ATP2C1: variants seen among roughly 807,000 people sequenced by gnomAD.
The protein encoded by ATP2C1 is ATPase secretory pathway Ca2+ transporting 1, also known as calcium-transporting ATPase type 2C member 1.
Under a neutral mutation model 120.5 loss-of-function variants are expected in ATP2C1, and 31 were observed. That is an observed-to-expected ratio of 0.26 (90% CI 0.19 to 0.35). The LOEUF (loss-of-function observed/expected upper bound fraction) is 0.35. ATP2C1 is among the 10% of genes least tolerant of loss of function. The pLI is 1.00. For missense variants in ATP2C1, 731 were observed against 1,107.5 expected, an observed-to-expected ratio of 0.66 and a Z score of 4.83; for synonymous variants, 351 against 358.7, an observed-to-expected ratio of 0.98 and a Z score of 0.24.
chr3:130,854,521 C>T (rs1478565091), intron 1 of ATP2C1, among the ~76,000 whole-genome samples: 1 of 152,214 alleles, frequency 6.6e-6, no homozygotes, highest in Non-Finnish European at 1.5e-5. Flanking sequence ...CAATGTTCCC[C>T]TAAGTACTAG....
chr3:130,994,997 C>T (rs969282721), intron 22 of ATP2C1, among the ~76,000 whole-genome samples: 1 of 152,176 alleles, frequency 6.6e-6, no homozygotes, highest in Non-Finnish European at 1.5e-5. Context: ...GCAGGAGCAA[C>T]ACGTAGCTTA....
intron 12 of ATP2C1, among the ~76,000 whole-genome samples, chr3:130,961,692 A>G (rs776473931): frequency 8.5e-5 from 13 of 152,056 alleles, no homozygotes; most frequent in Non-Finnish European, 1.8e-4. Flanking sequence ...TAAAGGCACA[A>G]TCTTTAGGTT....
chr3:130,890,682 T>G (rs1186080066), upstream of ATP2C1, among the ~76,000 whole-genome samples: 1 of 152,204 alleles, frequency 6.6e-6, no homozygotes, highest in Non-Finnish European at 1.5e-5. Context: ...TATTCTTGCT[T>G]CCAACTTTTA....
chr3:130,919,841 A>G (rs1023021737), intron 2 of ATP2C1, among the ~76,000 whole-genome samples: 5 of 152,222 alleles, frequency 3.3e-5, no homozygotes, highest in Admixed American at 3.3e-4. Context: ...ATCCTCACCA[A>G]CAGTAGTTGT....
chr3:130,978,341 G>C (rs2061616146), intron 18 of ATP2C1, among the ~76,000 whole-genome samples: 1 of 151,746 alleles, frequency 6.6e-6, no homozygotes, highest in East Asian at 1.9e-4. Context: ...TAGTTTCTTT[G>C]GTCTCTCTGG....
chr3:130,926,138 G>A (rs1284384042), intron 2 of ATP2C1, among the ~76,000 whole-genome samples: 1 of 152,160 alleles, frequency 6.6e-6, no homozygotes, highest in Non-Finnish European at 1.5e-5. Flanking sequence ...CAAAGGGTCT[G>A]TGGATTCTCT....
Position 130,879,890 on chromosome 3 carries a change from G to A in ATP2C1, c.108+28962G>A, listed in dbSNP as rs141338831. Among the ~76,000 whole-genome samples the A allele has an allele frequency of 5.3e-3, 811 of 152,302 alleles. 5 individuals are homozygous for A. The highest frequency in any genetic ancestry group is 0.014 in the Admixed American group (215 of 15,302). The stretch of plus-strand genomic sequence containing the variant: ...AAGCTGTGCTGGATGGGGATGCCAG[G>A]TGAGATGATCCTTGGGCCCCTGGGC... On this transcript the variant is annotated intron_variant, in intron 1 of 26. Coordinates refer to the ATP2C1 transcript ENST00000504381.
chr3:130,861,563 G>A (rs1205808579), intron 1 of ATP2C1, among the ~76,000 whole-genome samples: 1 of 152,150 alleles, frequency 6.6e-6, no homozygotes, highest in Non-Finnish European at 1.5e-5. Flanking sequence ...TGATGAGGGT[G>A]AATCTTCTTT....
At chr3:130,889,931 A>G (rs922086974), upstream of ATP2C1, among the ~76,000 whole-genome samples, 2 of 152,122 alleles carry the variant, frequency 1.3e-5, no homozygotes, top group African/African-American at 4.8e-5. Context: ...CAGGTGTGAG[A>G]TGCACCAGAA....
chr3:130,867,180 T>C (rs1034624316), intron 1 of ATP2C1, among the ~76,000 whole-genome samples: 2 of 152,194 alleles, frequency 1.3e-5, no homozygotes, highest in Non-Finnish European at 2.9e-5. Context: ...TTCCTATTTC[T>C]TGGGACACAA....
chr3:130,901,562 T>C (rs567336221), intron 2 of ATP2C1, among the ~76,000 whole-genome samples: 1 of 152,196 alleles, frequency 6.6e-6, no homozygotes, highest in East Asian at 1.9e-4. Context: ...GAATCAGACA[T>C]GACTGCAAGA....
intron 1 of ATP2C1, among the ~76,000 whole-genome samples, chr3:130,880,180 T>G (rs2068737513): frequency 6.6e-6 from 1 of 152,236 alleles, no homozygotes; most frequent in Non-Finnish European, 1.5e-5. Context: ...CTGGTGTCAT[T>G]TTTAGTTTGT....
At position 130,924,253 on chromosome 3, in the gene ATP2C1, TGTG is replaced by T. The variant is rs2059102380; in HGVS notation, c.7-6159_7-6157del. On this transcript the variant is annotated intron_variant, in intron 2 of 27. Coordinates refer to ENST00000510168, the MANE Select transcript of ATP2C1 (RefSeq NM_001378687.1). ...AGGTTTTGTTTCAAGATTTAGAACT[TGTG>T]GTGCTGGTTTGGTAGTGGCAAATTC... Among the ~76,000 whole-genome samples the T allele has an allele frequency of 2.0e-5, 3 of 152,220 alleles. 1 individual carries two copies. Among genetic ancestry groups the T allele is most frequent in the African/African-American group, 7.2e-5 (3 of 41,548 alleles).
chr3:130,970,250 G>A (rs1030437454), intron 17 of ATP2C1, among the ~76,000 whole-genome samples: 7 of 151,588 alleles, frequency 4.6e-5, no homozygotes, highest in African/African-American at 1.2e-4. Context: ...CCTGGGAGGC[G>A]GAGGTTGCAG....
intron 1 of ATP2C1, among the ~76,000 whole-genome samples, chr3:130,881,135 G>A (rs1490549063): frequency 6.6e-6 from 1 of 152,164 alleles, no homozygotes; most frequent in African/African-American, 2.4e-5. Flanking sequence ...ATATGAAATT[G>A]ATACAGCATT....
rs775614416 is a variant in ATP2C1, at chr3:130,980,679, G to T, written c.1839G>T (p.Lys613Asn). The change falls in exon 20 of 28, where the codon AAG becomes AAT. Residue 613 changes from lysine (K) to asparagine (N), a missense_variant and splice_region_variant. Transcript: ENST00000510168. ...DVQQLSQIVP[K>N]VAVFYRASPR... ...AGCAGCTTTCACAAATAGTACCAAAGGTAGGCCTAAACTAAAGCCTTTTGG... is the reference window on the plus strand; with the variant it reads ...AGCAGCTTTCACAAATAGTACCAAATGTAGGCCTAAACTAAAGCCTTTTGG... 1 of 1,610,386 alleles carries T rather than the reference G, an allele frequency of 6.2e-7. No individual in the cohort carries two copies. Among genetic ancestry groups the T allele is most frequent in the Non-Finnish European group, 8.5e-7 (1 of 1,176,932 alleles).
intron 1 of ATP2C1, among the ~76,000 whole-genome samples, chr3:130,883,749 AC>A (rs947007738): frequency 2.6e-5 from 4 of 151,706 alleles, no homozygotes; most frequent in African/African-American, 9.7e-5. Flanking sequence ...GAGCTGCCGC[AC>A]CCAACCCTCT....
At chr3:130,898,669 T>C (rs1167171498) in intron 2 of ATP2C1, among the ~76,000 whole-genome samples, 1 of 152,164 alleles carries the variant, frequency 6.6e-6, no homozygotes, top group Non-Finnish European at 1.5e-5. Flanking sequence ...TTCCAAATAC[T>C]TGATTTGTCT....
chr3:130,900,504 G>A (rs533634261), intron 2 of ATP2C1, among the ~76,000 whole-genome samples: 7 of 152,038 alleles, frequency 4.6e-5, no homozygotes, highest in Non-Finnish European at 8.8e-5. Flanking sequence ...AAATATATTT[G>A]CCATCAGCCT....
Sources: allele counts gnomAD v4.1 joint callset (sites outside exome capture counted in the v4.1 genomes callset), GRCh38; gene constraint gnomAD v4.1.1; transcripts MANE v1.5; gene names NCBI Gene and HGNC (gene_info 2026-07-23, HGNC 2026-07-21).